Variants in RBFOX3 observed in about 807,000 individuals in gnomAD.
RBFOX3 encodes the protein RNA binding protein fox-1 homolog 3.
In RBFOX3, 17 loss-of-function variants were observed where a neutral mutation model predicts 48.7. That is an observed-to-expected ratio of 0.35 (90% confidence interval 0.24 to 0.52). The LOEUF is 0.52. Among genes scored for constraint, RBFOX3 ranks in the 20% least tolerant of loss-of-function variants. The pLI, the probability that RBFOX3 is intolerant of heterozygous loss-of-function variation, is 0.94. For synonymous variants in RBFOX3, 212 were observed against 209.5 expected, an observed-to-expected ratio of 1.01 and a Z score of -0.10; for missense variants, 382 against 497.5, an observed-to-expected ratio of 0.77 and a Z score of 2.21.
intron 1 of RBFOX3, among the ~76,000 whole-genome samples, chr17:79,498,568 T>G (rs1260637119): frequency 1.3e-5 from 2 of 149,094 alleles, no homozygotes; most frequent in Non-Finnish European, 3.0e-5. Flanking sequence ...CATGCACCTA[T>G]CCTTCCCCCC....
At chr17:79,169,622 T>G (rs1407169124) in intron 4 of RBFOX3, among the ~76,000 whole-genome samples, 1 of 151,986 alleles carries the variant, frequency 6.6e-6, no homozygotes, top group Admixed American at 6.5e-5. Flanking sequence ...CCCCACCTGG[T>G]GTGGTCCCGT....
chr17:79,639,393 G>T, the RBFOX3 span, among the ~76,000 whole-genome samples: 2 of 152,060 alleles, frequency 1.3e-5, no homozygotes, highest in South Asian at 2.1e-4. Context: ...AGCCAGGATG[G>T]TCTCAATCTC....
the RBFOX3 span, among the ~76,000 whole-genome samples, chr17:79,647,821 A>T: frequency 6.6e-6 from 1 of 151,694 alleles, no homozygotes; most frequent in Non-Finnish European, 1.5e-5. Context: ...CCCACCCCCA[A>T]CTCACACCTG....
intron 1 of RBFOX3, among the ~76,000 whole-genome samples, chr17:79,560,692 G>A (rs1237926105): frequency 7.2e-5 from 11 of 152,064 alleles, no homozygotes; most frequent in Non-Finnish European, 1.2e-4. Flanking sequence ...CAGAACACTC[G>A]TGGCGGGAAG....
the RBFOX3 span, among the ~76,000 whole-genome samples, chr17:79,662,798 G>A: frequency 0.022 from 3,390 of 152,194 alleles, 438 homozygotes; most frequent in East Asian, 0.39. Context: ...GAAGAGAAAC[G>A]GCAGAACCGT....
chr17:79,517,762 G>T (rs983224457), intron 1 of RBFOX3, among the ~76,000 whole-genome samples: 1 of 152,120 alleles, frequency 6.6e-6, no homozygotes, highest in Non-Finnish European at 1.5e-5. Flanking sequence ...TTATCATTTC[G>T]GTAACATCGA....
At chr17:79,591,245 G>T (rs2145093609) in intron 1 of RBFOX3, among the ~76,000 whole-genome samples, 1 of 152,312 alleles carries the variant, frequency 6.6e-6, no homozygotes, top group South Asian at 2.1e-4. Flanking sequence ...CCTGGCACAG[G>T]TGTCGCTGGG....
intron 4 of RBFOX3, among the ~76,000 whole-genome samples, chr17:79,130,252 C>A (rs189513986): frequency 1.3e-5 from 2 of 152,176 alleles, no homozygotes; most frequent in African/African-American, 2.4e-5. Flanking sequence ...CCCCTTCCCC[C>A]CCGACTTCTC....
the RBFOX3 span, among the ~76,000 whole-genome samples, chr17:79,647,663 C>T: frequency 1.6e-4 from 25 of 152,276 alleles, no homozygotes; most frequent in African/African-American, 5.8e-4. Context: ...CACAGAGCAC[C>T]CCAGCCCACA....
chr17:79,282,509 A>G (rs975821092), intron 3 of RBFOX3, among the ~76,000 whole-genome samples: 10 of 145,022 alleles, frequency 6.9e-5, no homozygotes, highest in African/African-American at 2.5e-4. Context: ...CTTCATGTTT[A>G]TTTAGCTGGA....
chr17:79,319,116 G>A (rs1052968914), intron 2 of RBFOX3, among the ~76,000 whole-genome samples: 13 of 152,292 alleles, frequency 8.5e-5, no homozygotes, highest in Admixed American at 3.9e-4. Context: ...TGGCTTTCCC[G>A]GAGGCAGCCC....
At chr17:79,309,602 A>C (rs1348714001) in intron 2 of RBFOX3, among the ~76,000 whole-genome samples, 1 of 151,840 alleles carries the variant, frequency 6.6e-6, no homozygotes, top group Non-Finnish European at 1.5e-5. Flanking sequence ...TGCCGCATCT[A>C]CTCATGGCCT....
rs34647876 is a variant in RBFOX3, at chr17:79,522,335, GA to G, written c.-319-39738del. On this transcript the variant is annotated intron_variant, in intron 1 of 14. Coordinates refer to ENST00000693108, the MANE Select transcript of RBFOX3 (RefSeq NM_001350451.2). The stretch of plus-strand genomic sequence containing the variant: ...AGCCTTAAGTCCACCAGTCTCTAGA[GA>G]TTCTCTCCCTCCTCAAAAACCATCC... Among the ~76,000 whole-genome samples, 1,485 of 152,164 alleles carry G rather than the reference GA, an allele frequency of 9.8e-3. 25 individuals carry two copies. Among genetic ancestry groups the G allele is most frequent in the African/African-American group, 0.034 (1,421 of 41,492 alleles).
chr17:79,354,799 G>A (rs1359913298), intron 2 of RBFOX3, among the ~76,000 whole-genome samples: 6 of 152,220 alleles, frequency 3.9e-5, no homozygotes, highest in African/African-American at 1.4e-4. Context: ...CATATTTCAC[G>A]ATTAATCATT....
chr17:79,549,277 G>T (rs1339976953), intron 1 of RBFOX3, among the ~76,000 whole-genome samples: 14 of 152,236 alleles, frequency 9.2e-5, no homozygotes, highest in African/African-American at 3.4e-4. Flanking sequence ...TCAGCCTGCA[G>T]GTAGGAGCCT....
At chr17:79,224,674 C>T (rs926991699) in intron 4 of RBFOX3, among the ~76,000 whole-genome samples, 1 of 152,210 alleles carries the variant, frequency 6.6e-6, no homozygotes. Context: ...GAGTCATCGT[C>T]CCTCCAGCTT....
chr17:79,594,805 C>A (rs1188560526), intron 1 of RBFOX3, among the ~76,000 whole-genome samples: 1 of 152,110 alleles, frequency 6.6e-6, no homozygotes, highest in Non-Finnish European at 1.5e-5. Context: ...TCCAGGGGCA[C>A]CCCTGAACAT....
At chr17:79,350,763 G>A (rs1176718522) in intron 2 of RBFOX3, among the ~76,000 whole-genome samples, 1 of 152,232 alleles carries the variant, frequency 6.6e-6, no homozygotes, top group East Asian at 1.9e-4. Flanking sequence ...TGGCAGACAG[G>A]GCTCAGGCAG....
rs147644382 is a variant in RBFOX3, at chr17:79,187,811, C to T, written c.-34+47955G>A. ...CATGGGATGCCCCCAGCAGACACCA[C>T]GGGGCAAGGTCAGGCTGGGGATGGG... On this transcript the variant is annotated intron_variant, in intron 4 of 14. Coordinates refer to ENST00000693108, the MANE Select transcript of RBFOX3 (RefSeq NM_001350451.2). 2.8e-3 allele frequency among the ~76,000 whole-genome samples: 433 copies of T among 152,036 alleles called. 3 individuals carry two copies. Among genetic ancestry groups the T allele is most frequent in the African/African-American group, 9.4e-3 (391 of 41,470 alleles).
Sources: allele counts gnomAD v4.1 joint callset (sites outside exome capture counted in the v4.1 genomes callset), GRCh38; gene constraint gnomAD v4.1.1; transcripts MANE v1.5; gene names NCBI Gene and HGNC (gene_info 2026-07-23, HGNC 2026-07-21).